ATP11C: variants seen among roughly 807,000 people sequenced by gnomAD.
ATP11C encodes the protein phospholipid-transporting ATPase IG.
ATP11C carries 36 observed loss-of-function variants against 97.4 expected under a neutral mutation model. The ratio of observed to expected loss-of-function variants is 0.37; its 90% CI spans 0.28 to 0.49. ATP11C has a LOEUF of 0.49. Ranked by LOEUF, ATP11C falls within the 20% of genes least tolerant of loss-of-function variation. The probability of loss-of-function intolerance (pLI) is 0.98; values close to 1 mark genes in which losing one functional copy is unlikely to be tolerated. For synonymous variants in ATP11C, 275 were observed against 290.9 expected, an observed-to-expected ratio of 0.95 and a Z score of 0.56; for missense variants, 730 against 824.6, an observed-to-expected ratio of 0.89 and a Z score of 1.40.
Position 139,785,747 on chromosome X carries a change from A to C in ATP11C, c.1593-448T>G, listed in dbSNP as rs954887537. On this transcript the variant is annotated intron_variant, in intron 15 of 29. Coordinates refer to ENST00000682941, the MANE Select transcript of ATP11C (RefSeq NM_001353812.2). Reference sequence around the variant, plus strand: ...ATGATAAGGGAGACAGAGCATAATGAGATAACTACCCTTCTAGTTTCTCAA... The same window carrying C: ...ATGATAAGGGAGACAGAGCATAATGCGATAACTACCCTTCTAGTTTCTCAA... 3.6e-5 allele frequency among the ~76,000 whole-genome samples: 4 copies of C among 111,703 alleles called. No individual in the cohort carries two copies. The Admixed American group carries it at 3.8e-4, about 11-fold the overall frequency.
chrX:139,927,881 C>T (rs923544588), intron 1 of ATP11C, among the ~76,000 whole-genome samples: 10 of 111,530 alleles, frequency 9.0e-5, no homozygotes, highest in African/African-American at 1.3e-4. Context: ...TGCATAAGAG[C>T]GGGTTTACAA....
intron 28 of ATP11C, among the ~76,000 whole-genome samples, chrX:139,733,800 T>G (rs762155241): frequency 1.8e-5 from 2 of 111,770 alleles, no homozygotes; most frequent in Non-Finnish European, 3.8e-5. Flanking sequence ...AACACTTGTA[T>G]CCAACCATCG....
intron 1 of ATP11C, among the ~76,000 whole-genome samples, chrX:139,874,051 T>G (rs1213566718): frequency 9.3e-6 from 1 of 107,375 alleles, no homozygotes; most frequent in Non-Finnish European, 1.9e-5. Flanking sequence ...CCAGGTTTTT[T>G]TTTTTTTTTT....
intron 22 of ATP11C, among the ~76,000 whole-genome samples, chrX:139,760,307 CATT>C (rs1260742423): frequency 1.8e-5 from 2 of 111,643 alleles, no homozygotes; most frequent in African/African-American, 3.3e-5. Context: ...TTACCATCAT[CATT>C]ATCATCATTT....
chrX:139,739,054 G>A (rs1236750213), intron 27 of ATP11C, among the ~76,000 whole-genome samples: 8 of 111,430 alleles, frequency 7.2e-5, no homozygotes, highest in Non-Finnish European at 1.1e-4. Flanking sequence ...GAATAAAAGT[G>A]AGAACAGGAA....
intron 20 of ATP11C, 100 bp downstream of exon 20, chrX:139,768,160 T>G: frequency 1.7e-6 from 1 of 584,548 alleles, no homozygotes; most frequent in Non-Finnish European, 2.4e-6. Context: ...ATAGTAATAA[T>G]GGCCCTTTGA....
At chrX:139,815,024 A>G in intron 4 of ATP11C, 39 bp from the exon 5 acceptor site, 1 of 825,063 alleles carries the variant, frequency 1.2e-6, no homozygotes, top group Non-Finnish European at 1.7e-6. Context: ...AGTTCTGATA[A>G]TGAAATAAAG....
At chrX:139,791,292 T>C (rs1160860620) in intron 12 of ATP11C, among the ~76,000 whole-genome samples, 2 of 111,714 alleles carry the variant, frequency 1.8e-5, no homozygotes, top group African/African-American at 6.5e-5. Flanking sequence ...ATCAAAATTA[T>C]TAACCTTCAT....
At chrX:139,732,056 A>G (rs965078515) in intron 28 of ATP11C, among the ~76,000 whole-genome samples, 11 of 111,219 alleles carry the variant, frequency 9.9e-5, no homozygotes, top group Non-Finnish European at 2.1e-4. Flanking sequence ...ATGAGTCAAT[A>G]TGGTTTGATT....
intron 1 of ATP11C, among the ~76,000 whole-genome samples, chrX:139,859,170 G>A (rs1037611873): frequency 6.3e-5 from 7 of 111,991 alleles, no homozygotes; most frequent in African/African-American, 2.3e-4. Flanking sequence ...CATAGAAGTA[G>A]AGAGCAGAAT....
At chrX:139,781,465 A>G (rs1044980679) in intron 18 of ATP11C, among the ~76,000 whole-genome samples, 7 of 112,428 alleles carry the variant, frequency 6.2e-5, no homozygotes, top group African/African-American at 2.3e-4. Flanking sequence ...TGTAATCCCA[A>G]CACTTTCGGA....
intron 28 of ATP11C, among the ~76,000 whole-genome samples, chrX:139,735,704 T>A (rs1408232704): frequency 9.0e-6 from 1 of 110,690 alleles, no homozygotes; most frequent in Non-Finnish European, 1.9e-5. Flanking sequence ...AGAATAGCCA[T>A]GGCTGCCATG....
At chrX:139,806,585 A>C (rs977959436) in intron 5 of ATP11C, among the ~76,000 whole-genome samples, 1 of 111,050 alleles carries the variant, frequency 9.0e-6, no homozygotes, top group South Asian at 3.9e-4. Context: ...TTTTTAACCA[A>C]TTCCTAAAGA....
At chrX:139,820,192 CAA>C (rs34792545) in intron 2 of ATP11C, among the ~76,000 whole-genome samples, 6 of 90,579 alleles carry the variant, frequency 6.6e-5, no homozygotes, top group Admixed American at 1.2e-4. Context: ...ACTCCGTCGC[CAA>C]AAAAAAAAAA....
intron 21 of ATP11C, among the ~76,000 whole-genome samples, chrX:139,762,813 G>C (rs1190766583): frequency 9.0e-6 from 1 of 111,203 alleles, no homozygotes; most frequent in Non-Finnish European, 1.9e-5. Context: ...AATGGTACAG[G>C]TGGTGGAAAA....
chrX:139,867,463 G>A (rs2084304710), intron 1 of ATP11C, among the ~76,000 whole-genome samples: 1 of 111,540 alleles, frequency 9.0e-6, no homozygotes, highest in South Asian at 3.8e-4. Flanking sequence ...ACAGAAAAAT[G>A]CAATAGATTT....
intron 1 of ATP11C, among the ~76,000 whole-genome samples, chrX:139,863,218 A>G (rs1442580739): frequency 8.9e-6 from 1 of 112,701 alleles, no homozygotes; most frequent in Admixed American, 9.4e-5. Context: ...GTTTTTAATC[A>G]TTCCTGAGAA....
intron 5 of ATP11C, among the ~76,000 whole-genome samples, chrX:139,808,833 C>T (rs1355561149): frequency 8.9e-6 from 1 of 112,273 alleles, no homozygotes; most frequent in African/African-American, 3.2e-5. Context: ...CAGTTTTAGG[C>T]TGGGCACGGT....
chrX:139,854,455 A>G (rs960574746), intron 1 of ATP11C, among the ~76,000 whole-genome samples: 10 of 111,427 alleles, frequency 9.0e-5, no homozygotes, highest in East Asian at 2.8e-4. Context: ...CACCTTTAGG[A>G]AAAAAAAGGG....
Sources: allele counts gnomAD v4.1 joint callset (sites outside exome capture counted in the v4.1 genomes callset), GRCh38; gene constraint gnomAD v4.1.1; transcripts MANE v1.5; gene names NCBI Gene and HGNC (gene_info 2026-07-23, HGNC 2026-07-21).